The following ATP10B variants were observed in gnomAD, a reference collection of about 807,000 sequenced individuals.
ATP10B encodes the protein phospholipid-transporting ATPase VB.
A neutral mutation model predicts 141.2 loss-of-function variants in ATP10B; 122 were observed. The ratio of observed to expected loss-of-function variants is 0.86; its 90% CI spans 0.75 to 1.00. The LOEUF (loss-of-function observed/expected upper bound fraction) is 1.00, where lower values mean the gene tolerates loss of function less well. Among genes scored for constraint, ATP10B ranks in the 50% least tolerant of loss-of-function variants. The pLI is 0.00. For synonymous variants in ATP10B, 685 were observed against 692.0 expected (o/e 0.99, Z 0.16); for missense variants, 1,876 against 1,825.3 (o/e 1.03, Z -0.51).
At chr5:160,873,525 G>T in the ATP10B span, among the ~76,000 whole-genome samples, 1 of 152,312 alleles carries the variant, frequency 6.6e-6, no homozygotes, top group African/African-American at 2.4e-5. Context: ...CCAGGCTCTC[G>T]AGGAGCCAAG....
chr5:160,758,034 A>G (rs1768759706), intron 2 of ATP10B, among the ~76,000 whole-genome samples: 1 of 152,226 alleles, frequency 6.6e-6, no homozygotes. Context: ...TACAAATAGT[A>G]GTCAGTGTAA....
intron 3 of ATP10B, among the ~76,000 whole-genome samples, chr5:160,693,369 G>C (rs1179440814): frequency 4.0e-5 from 6 of 148,554 alleles, no homozygotes; most frequent in African/African-American, 7.5e-5. Flanking sequence ...AAAGTATTTA[G>C]AGGTAAAGGG....
At chr5:160,670,391 T>G in intron 7 of ATP10B, 72 bp downstream of exon 7, 1 of 1,509,444 alleles carries the variant, frequency 6.6e-7, no homozygotes, top group Non-Finnish European at 9.2e-7. Flanking sequence ...TAGGTTTAGT[T>G]CAATTTTCCA....
chr5:160,851,667 A>G (rs1165328655), intron 1 of ATP10B, among the ~76,000 whole-genome samples: 1 of 152,164 alleles, frequency 6.6e-6, no homozygotes, highest in African/African-American at 2.4e-5. Flanking sequence ...TATTTATCAT[A>G]AAATGTATTC....
chr5:160,861,681 T>C, the ATP10B span, among the ~76,000 whole-genome samples: 1 of 151,874 alleles, frequency 6.6e-6, no homozygotes, highest in Non-Finnish European at 1.5e-5. Context: ...GTTTTTTCTA[T>C]TGATAAGAAA....
chr5:160,920,857 G>T, the ATP10B span, among the ~76,000 whole-genome samples: 1 of 152,110 alleles, frequency 6.6e-6, no homozygotes, highest in African/African-American at 2.4e-5. Flanking sequence ...CTGGTCAGGG[G>T]GCCTCACTTT....
At chr5:160,703,745 G>A (rs187378740) in intron 3 of ATP10B, among the ~76,000 whole-genome samples, 8 of 152,312 alleles carry the variant, frequency 5.3e-5, no homozygotes, top group Admixed American at 2.0e-4. Flanking sequence ...GATTACAGGT[G>A]TGAGTCACTG....
At chr5:160,580,807 AG>A (rs1415002474) in intron 24 of ATP10B, among the ~76,000 whole-genome samples, 1 of 152,118 alleles carries the variant, frequency 6.6e-6, no homozygotes, top group Non-Finnish European at 1.5e-5. Context: ...TTTGGTTGGT[AG>A]GCTATTAATT....
intron 6 of ATP10B, 86 bp downstream of exon 6, chr5:160,685,993 C>A (rs532519043): frequency 2.0e-5 from 21 of 1,046,652 alleles, no homozygotes; most frequent in Admixed American, 3.3e-5. Flanking sequence ...AAAATAAAAT[C>A]GAAGAAAAGA....
At position 160,598,859 on chromosome 5, in the gene ATP10B, G is replaced by A. The variant is rs373405927; in HGVS notation, c.3475C>T (p.Pro1159Ser). ...TTGTCAAGGACTCCAAAGACAAGAG[G>A]AGGCAAGGAGGTAAAGAAGAGATTG... ...FFNLFFTSLP[P>S]LVFGVLDKDI... Residue 1159 changes from proline (P) to serine (S), a missense_variant, in exon 22 of 26, where the codon CCT becomes TCT. By Grantham distance (74) the Pro-to-Ser change is moderately conservative (BLOSUM62 -1). Transcript: ENST00000327245. The A allele has an allele frequency of 1.1e-5, 17 of 1,614,064 alleles. No individual in the cohort carries two copies. Among genetic ancestry groups the A allele is most frequent in the Middle Eastern group, 1.6e-4 (1 of 6,082 alleles).
At position 160,740,893 on chromosome 5, in the gene ATP10B, C is replaced by T. The variant is rs375028595; in HGVS notation, c.-330-23859G>A. Among the ~76,000 whole-genome samples the T allele has an allele frequency of 3.2e-4, 48 of 152,304 alleles. 1 individual carries two copies. Among genetic ancestry groups the T allele is most frequent in the South Asian group, 1.5e-3 (7 of 4,826 alleles). ...TATTGTCAATCTGCTTTGGAAGATACGCTATCCCTTGACAGCTCTCTAATT... is the reference window on the plus strand; with the variant it reads ...TATTGTCAATCTGCTTTGGAAGATATGCTATCCCTTGACAGCTCTCTAATT... On this transcript the variant is annotated intron_variant, in intron 2 of 25. Coordinates refer to ENST00000327245, the MANE Select transcript of ATP10B (RefSeq NM_025153.3).
At chr5:160,665,406 CT>C (rs1762263760) in intron 7 of ATP10B, among the ~76,000 whole-genome samples, 1 of 152,198 alleles carries the variant, frequency 6.6e-6, no homozygotes, top group Non-Finnish European at 1.5e-5. Flanking sequence ...CTAATATTTT[CT>C]GAAAAGGTCC....
At chr5:160,804,467 C>A (rs191513978) in intron 1 of ATP10B, among the ~76,000 whole-genome samples, 2 of 152,298 alleles carry the variant, frequency 1.3e-5, no homozygotes, top group Non-Finnish European at 2.9e-5. Context: ...CGTGCATTAT[C>A]TTACATGTGA....
At chr5:160,800,541 T>TTA (rs1772306632) in intron 1 of ATP10B, among the ~76,000 whole-genome samples, 1 of 152,216 alleles carries the variant, frequency 6.6e-6, no homozygotes, top group Non-Finnish European at 1.5e-5. Context: ...ATTGTTAGGG[T>TTA]TATAATCTGG....
intron 1 of ATP10B, among the ~76,000 whole-genome samples, chr5:160,803,536 C>T (rs1468965372): frequency 2.0e-5 from 3 of 151,980 alleles, no homozygotes; most frequent in African/African-American, 4.8e-5. Flanking sequence ...ATTAGCCGGG[C>T]GTGGTGGTGC....
intron 3 of ATP10B, among the ~76,000 whole-genome samples, chr5:160,714,723 G>GT (rs1320478175): frequency 9.0e-6 from 1 of 110,902 alleles, no homozygotes; most frequent in Non-Finnish European, 1.8e-5. Context: ...TTTCTGTTCT[G>GT]TTTTTTCCCC....
chr5:160,922,299 C>G, the ATP10B span, among the ~76,000 whole-genome samples: 3 of 152,188 alleles, frequency 2.0e-5, no homozygotes, highest in African/African-American at 7.2e-5. Flanking sequence ...TCTCCAAGCA[C>G]TGGTTTTCTT....
chr5:160,773,163 A>T (rs1770030646), intron 2 of ATP10B, among the ~76,000 whole-genome samples: 1 of 152,208 alleles, frequency 6.6e-6, no homozygotes, highest in Admixed American at 6.5e-5. Flanking sequence ...CTAAGGACTG[A>T]TGCTAATCTG....
intron 14 of ATP10B, 86 bp downstream of exon 14, chr5:160,622,308 G>C: frequency 2.9e-6 from 4 of 1,375,506 alleles, no homozygotes; most frequent in Non-Finnish European, 3.9e-6. Flanking sequence ...ATGTCTCCCT[G>C]ATCAGAACTT....
Sources: gnomAD v4.1 joint callset for allele counts (sites outside exome capture counted in the v4.1 genomes callset) on GRCh38, gnomAD v4.1.1 for gene constraint, MANE v1.5 for transcripts, NCBI Gene and HGNC (gene_info 2026-07-23, HGNC 2026-07-21) for gene names.